Variants in LRRC1 observed in about 807,000 individuals in gnomAD.
LRRC1 encodes leucine-rich repeat-containing protein 1.
LRRC1 carries 28 observed loss-of-function variants against 69.9 expected under a neutral mutation model. That is an observed-to-expected ratio of 0.40 (90% CI 0.30 to 0.55). LRRC1 has a LOEUF of 0.55. LRRC1 is among the 20% of genes least tolerant of loss of function. LRRC1 has a pLI of 0.47. For synonymous variants in LRRC1, 236 were observed against 240.2 expected (o/e 0.98, Z 0.16); for missense variants, 498 against 609.0 (o/e 0.82, Z 1.92).
intron 1 of LRRC1, among the ~76,000 whole-genome samples, chr6:53,818,363 A>G (rs2127408010): frequency 6.6e-6 from 1 of 152,290 alleles, no homozygotes; most frequent in Admixed American, 6.5e-5. Flanking sequence ...AAATGGAAGG[A>G]TTTTTATATC....
chr6:53,892,172 C>A (rs1767727816), intron 4 of LRRC1, among the ~76,000 whole-genome samples: 1 of 151,990 alleles, frequency 6.6e-6, no homozygotes, highest in African/African-American at 2.4e-5. Flanking sequence ...CTGGTGAATC[C>A]TGGCTTTTCT....
intron 1 of LRRC1, among the ~76,000 whole-genome samples, chr6:53,825,981 T>C (rs3003489): frequency 0.83 from 125,239 of 151,324 alleles, 52,008 homozygotes; most frequent in East Asian, 0.92. Flanking sequence ...TGAGTGTCCT[T>C]GAAGATTTTT....
intron 4 of LRRC1, among the ~76,000 whole-genome samples, chr6:53,885,528 G>A (rs970453816): frequency 6.6e-6 from 1 of 152,186 alleles, no homozygotes; most frequent in Non-Finnish European, 1.5e-5. Flanking sequence ...GGAGTCTGAT[G>A]TGGAATCCTT....
chr6:53,815,445 C>T (rs1268752998), intron 1 of LRRC1, among the ~76,000 whole-genome samples: 1 of 108,188 alleles, frequency 9.2e-6, no homozygotes, highest in Non-Finnish European at 1.9e-5. Flanking sequence ...ATTTTCTTTT[C>T]TCTTGTTCTC....
chr6:53,840,541 TTCTC>T (rs1158227554), intron 1 of LRRC1, among the ~76,000 whole-genome samples: 16 of 152,236 alleles, frequency 1.1e-4, no homozygotes, highest in South Asian at 2.1e-4. Context: ...TTTCCTGTAT[TTCTC>T]TCTTTCAACT....
In LRRC1 at chr6:53,922,774, G is replaced by C; in HGVS notation, c.1556G>C (p.Arg519Pro). The C allele has an allele frequency of 6.2e-7, 1 of 1,613,876 alleles. No homozygotes were observed. Among genetic ancestry groups the C allele is most frequent in the Non-Finnish European group, 8.5e-7 (1 of 1,179,856 alleles). ...NKNEVNHAIDRVTTSV is the reference protein window; with the variant it reads ...NKNEVNHAIDPVTTSV Reference sequence around the variant, plus strand: ...AACGAGGTCAATCATGCCATTGACCGAGTGACCACTTCTGTGTAGAGTTTC... The same window carrying C: ...AACGAGGTCAATCATGCCATTGACCCAGTGACCACTTCTGTGTAGAGTTTC... Residue 519 changes from arginine (R) to proline (P), a missense_variant, in exon 14 of 14, where the codon CGA (arginine) becomes CCA (proline). By Grantham distance (103) the Arg-to-Pro change is moderately radical. Transcript: ENST00000370888.
intron 1 of LRRC1, among the ~76,000 whole-genome samples, chr6:53,798,984 G>A (rs1244916918): frequency 1.3e-5 from 2 of 152,168 alleles, no homozygotes; most frequent in East Asian, 3.9e-4. Context: ...CATGCCATTG[G>A]TTTTCTCCTC....
intron 4 of LRRC1, among the ~76,000 whole-genome samples, chr6:53,896,286 A>G (rs763416802): frequency 1.3e-5 from 2 of 152,196 alleles, no homozygotes; most frequent in African/African-American, 2.4e-5. Context: ...TTTATTAATT[A>G]TTAATATCTT....
intron 2 of LRRC1, among the ~76,000 whole-genome samples, chr6:53,846,186 C>T (rs2127417645): frequency 6.6e-6 from 1 of 152,294 alleles, no homozygotes; most frequent in South Asian, 2.1e-4. Context: ...CCTTCAAACA[C>T]TGACTTTTGT....
chr6:53,838,973 C>T (rs1052150289), intron 1 of LRRC1, among the ~76,000 whole-genome samples: 1 of 152,092 alleles, frequency 6.6e-6, no homozygotes, highest in Non-Finnish European at 1.5e-5. Flanking sequence ...TCCACATGCA[C>T]ACATGCTTTT....
chr6:53,895,581 ATG>A (rs1399191980), intron 4 of LRRC1, among the ~76,000 whole-genome samples: 1 of 152,216 alleles, frequency 6.6e-6, no homozygotes, highest in Non-Finnish European at 1.5e-5. Flanking sequence ...TATTAGCAAA[ATG>A]TGACTTTTTG....
intron 1 of LRRC1, among the ~76,000 whole-genome samples, chr6:53,803,241 A>C (rs552431686): frequency 2.0e-5 from 3 of 152,218 alleles, no homozygotes; most frequent in Admixed American, 2.0e-4. Context: ...TGCGATGATG[A>C]CAGATCCCAG....
intron 13 of LRRC1, 121 bp downstream of exon 13, chr6:53,920,882 G>A (rs997302643): frequency 8.5e-7 from 1 of 1,174,954 alleles, no homozygotes; most frequent in Non-Finnish European, 1.2e-6. Context: ...TCAGCATTTA[G>A]GAATTTTTTT....
At chr6:53,823,562 G>A (rs888758732) in intron 1 of LRRC1, among the ~76,000 whole-genome samples, 3 of 152,102 alleles carry the variant, frequency 2.0e-5, no homozygotes, top group Non-Finnish European at 2.9e-5. Flanking sequence ...GTAAACTCGT[G>A]TCACGGGGGT....
intron 2 of LRRC1, among the ~76,000 whole-genome samples, chr6:53,868,455 A>T (rs1766779979): frequency 6.6e-6 from 1 of 152,056 alleles, no homozygotes; most frequent in South Asian, 2.1e-4. Context: ...CGAACTCCTG[A>T]CCTCAAGTGA....
chr6:53,898,441 A>C (rs911243950), intron 7 of LRRC1, among the ~76,000 whole-genome samples: 1 of 152,206 alleles, frequency 6.6e-6, no homozygotes, highest in African/African-American at 2.4e-5. Flanking sequence ...GTAGGACATA[A>C]AGGGGAAAGG....
At chr6:53,895,839 C>A (rs745739415) in intron 4 of LRRC1, among the ~76,000 whole-genome samples, 3 of 152,164 alleles carry the variant, frequency 2.0e-5, no homozygotes, top group Non-Finnish European at 4.4e-5. Context: ...AGGGTTTAAT[C>A]CAGAATAAAA....
intron 1 of LRRC1, among the ~76,000 whole-genome samples, chr6:53,803,500 T>C (rs1764550498): frequency 6.6e-6 from 1 of 152,304 alleles, no homozygotes; most frequent in South Asian, 2.1e-4. Flanking sequence ...ATTAACTTTC[T>C]CTTGGGTATG....
intron 2 of LRRC1, among the ~76,000 whole-genome samples, chr6:53,848,762 C>T (rs1581871354): frequency 6.7e-6 from 1 of 149,940 alleles, no homozygotes; most frequent in Non-Finnish European, 1.5e-5. Flanking sequence ...TTCTTTTACT[C>T]TTTTTTTTTT....
Sources: gnomAD v4.1 joint callset for allele counts (sites outside exome capture counted in the v4.1 genomes callset) on GRCh38, gnomAD v4.1.1 for gene constraint, MANE v1.5 for transcripts, NCBI Gene and HGNC (gene_info 2026-07-23, HGNC 2026-07-21) for gene names.